Variants in BCAS3 observed in about 807,000 individuals in gnomAD.
BCAS3 encodes the protein BCAS3 microtubule associated cell migration factor, also known as BCAS4/BCAS3 fusion.
Under a neutral mutation model 116.1 loss-of-function variants are expected in BCAS3, and 53 were observed. That is an observed-to-expected ratio of 0.46 (90% CI 0.37 to 0.57). The LOEUF (loss-of-function observed/expected upper bound fraction) is 0.57, where lower values mean the gene tolerates loss of function less well. BCAS3 is among the 20% of genes least tolerant of loss of function. The pLI, the probability that BCAS3 is intolerant of heterozygous loss-of-function variation, is 0.00. For missense variants in BCAS3, 917 were observed against 1,165.4 expected, an observed-to-expected ratio of 0.79 and a Z score of 3.10; for synonymous variants, 391 against 408.2, an observed-to-expected ratio of 0.96 and a Z score of 0.51.
rs528682606 is a variant in BCAS3 at position 61,012,735 on chromosome 17, A to G, written c.1487-3016A>G. Among the ~76,000 whole-genome samples, 14 of 152,164 alleles carry G rather than the reference A, an allele frequency of 9.2e-5. No homozygotes were observed. Among genetic ancestry groups the G allele is most frequent in the Non-Finnish European group, 1.9e-4 (13 of 67,944 alleles). On this transcript the variant is annotated intron_variant, in intron 15 of 23. Coordinates refer to ENST00000407086, the MANE Select transcript of BCAS3 (RefSeq NM_017679.5). The surrounding 1 kb of genome is among the most constrained non-coding windows in gnomAD (Gnocchi z 4.5). Reference sequence around the variant, plus strand: ...GAAGGATAGATCTGAAGTTCTTTGTATGCTATTCTGAGGTTGTCCTTTATC... The same window carrying G: ...GAAGGATAGATCTGAAGTTCTTTGTGTGCTATTCTGAGGTTGTCCTTTATC...
intron 19 of BCAS3, among the ~76,000 whole-genome samples, chr17:61,043,989 C>T (rs1318578088): frequency 1.3e-5 from 2 of 151,958 alleles, no homozygotes; most frequent in Admixed American, 1.3e-4. Flanking sequence ...CTTCAAGCTC[C>T]ACTACTCAGT....
In BCAS3 at chr17:61,363,806, G is replaced by A. The variant is rs975253047; in HGVS notation, c.2426-4521G>A. On this transcript the variant is annotated intron_variant, in intron 22 of 23. Coordinates refer to ENST00000407086, the MANE Select transcript of BCAS3 (RefSeq NM_017679.5). This position sits in a 1 kb window ranked among gnomAD's most constrained non-coding sequence, Gnocchi z 4.9. Reference sequence around the variant, plus strand: ...AAACTGACCCTTTCCCCTGTAATGGGACTCAAAGGGCCAGCTCATCTGATG... The same window carrying A: ...AAACTGACCCTTTCCCCTGTAATGGAACTCAAAGGGCCAGCTCATCTGATG... Among the ~76,000 whole-genome samples, 3 of 152,128 alleles carry A rather than the reference G, an allele frequency of 2.0e-5. No individual in the cohort carries two copies. Among genetic ancestry groups the A allele is most frequent in the African/African-American group, 7.2e-5 (3 of 41,434 alleles).
intron 7 of BCAS3, chr17:60,810,159 G>C (rs1568300182): frequency 7.4e-6 from 3 of 406,516 alleles, no homozygotes; most frequent in Non-Finnish European, 1.5e-5. Context: ...CTCCCCACTG[G>C]ACAGCATGAG....
Position 61,078,545 on chromosome 17 carries a change from T to G in BCAS3, c.2327+16T>G, listed in dbSNP as rs756607642. ...ACAGTCTCAGGTAGGAAATGAGAATTAGGGAGTGATTTGAACAAAAGGATT... is the reference window on the plus strand; with the variant it reads ...ACAGTCTCAGGTAGGAAATGAGAATGAGGGAGTGATTTGAACAAAAGGATT... On this transcript the variant is annotated intron_variant, in intron 21 of 23. Coordinates refer to ENST00000407086, the MANE Select transcript of BCAS3 (RefSeq NM_017679.5). 2 of 1,593,324 alleles carry G rather than the reference T, an allele frequency of 1.3e-6. No homozygotes were observed. Among genetic ancestry groups the G allele is most frequent in the East Asian group, 2.2e-5 (1 of 44,804 alleles).
chr17:60,796,644 A>C (rs1354022971), intron 6 of BCAS3, among the ~76,000 whole-genome samples: 1 of 151,996 alleles, frequency 6.6e-6, no homozygotes, highest in Non-Finnish European at 1.5e-5. Flanking sequence ...TGATCTATCA[A>C]TTTTATTTAT....
intron 6 of BCAS3, among the ~76,000 whole-genome samples, chr17:60,781,086 A>G (rs569131065): frequency 2.0e-5 from 3 of 151,820 alleles, no homozygotes; most frequent in African/African-American, 7.2e-5. Context: ...CTTGTGCCCC[A>G]GCCTCTGGAG....
At chr17:60,944,166 A>G (rs1046877718) in intron 13 of BCAS3, among the ~76,000 whole-genome samples, 21 of 152,022 alleles carry the variant, frequency 1.4e-4, no homozygotes, top group African/African-American at 5.1e-4. Context: ...AAAAGAGAAA[A>G]ACAGAAAGTT....
At chr17:61,183,775 T>C (rs1250628843) in intron 22 of BCAS3, among the ~76,000 whole-genome samples, 1 of 152,228 alleles carries the variant, frequency 6.6e-6, no homozygotes, top group African/African-American at 2.4e-5. Flanking sequence ...GTGGCTAAAT[T>C]TGTGAATTTA....
At position 61,243,927 on chromosome 17, in the gene BCAS3, C is replaced by T. The variant is rs961757151; in HGVS notation, c.2426-124400C>T. 1.3e-5 allele frequency among the ~76,000 whole-genome samples: 2 copies of T among 152,026 alleles called. No individual in the cohort carries two copies. Among genetic ancestry groups the T allele is most frequent in the African/African-American group, 4.8e-5 (2 of 41,410 alleles). ...GGGCCTCCCAAGTAGCTGGGAATAT[C>T]AGTGTGCACTACCACAACCTGCTAA... On this transcript the variant is annotated intron_variant, in intron 22 of 23. Transcript: ENST00000407086. The surrounding 1 kb of genome is among the most constrained non-coding windows in gnomAD (Gnocchi z 5.6).
intron 14 of BCAS3, among the ~76,000 whole-genome samples, chr17:60,971,875 C>T (rs1476256507): frequency 6.6e-6 from 1 of 152,208 alleles, no homozygotes; most frequent in Non-Finnish European, 1.5e-5. Flanking sequence ...CTCCATGGGT[C>T]AGTTGTTCAA....
At chr17:61,296,047 G>A (rs2052875592) in intron 22 of BCAS3, among the ~76,000 whole-genome samples, 1 of 152,042 alleles carries the variant, frequency 6.6e-6, no homozygotes. Context: ...GCCCAAAAGG[G>A]ATATGAAAAG....
chr17:60,866,285 C>A (rs1440451031), intron 7 of BCAS3, among the ~76,000 whole-genome samples: 1 of 152,014 alleles, frequency 6.6e-6, no homozygotes, highest in Non-Finnish European at 1.5e-5. Flanking sequence ...TGCACCACCA[C>A]CCCTGGCTAA....
rs941681932 is a variant in BCAS3, at chr17:61,355,811, A to G, written c.2426-12516A>G. ...GACTGTCCTAGAAAACCCAGTTTGT[A>G]TGCTTGCTGTCTTGAGAGATTCAGT... is the stretch of plus-strand genomic sequence containing the variant. On this transcript the variant is annotated intron_variant, in intron 22 of 23. Coordinates refer to ENST00000407086, the MANE Select transcript of BCAS3 (RefSeq NM_017679.5). The surrounding 1 kb of genome is among the most constrained non-coding windows in gnomAD (Gnocchi z 4.2). Among the ~76,000 whole-genome samples the G allele has an allele frequency of 8.5e-5, 13 of 152,332 alleles. No homozygotes were observed. The highest frequency in any genetic ancestry group is 6.2e-4 in the South Asian group (3 of 4,828).
chr17:61,193,240 T>A (rs2080256140), intron 22 of BCAS3, among the ~76,000 whole-genome samples: 1 of 151,062 alleles, frequency 6.6e-6, no homozygotes, highest in Non-Finnish European at 1.5e-5. Flanking sequence ...CCAGCCTGGG[T>A]GACAGAGGGA....
At chr17:61,046,392 A>G (rs556870385) in intron 19 of BCAS3, among the ~76,000 whole-genome samples, 1 of 151,548 alleles carries the variant, frequency 6.6e-6, no homozygotes, top group South Asian at 2.1e-4. Flanking sequence ...ATTTTCAAAT[A>G]TAGTCATTCC....
chr17:60,812,052 CAA>C (rs375054739), intron 7 of BCAS3, among the ~76,000 whole-genome samples: 21 of 118,746 alleles, frequency 1.8e-4, no homozygotes, highest in Admixed American at 2.6e-4. Context: ...GACCCAGTCT[CAA>C]AAAAAAAAAA....
In BCAS3 at chr17:60,960,260, A is replaced by T. The variant is rs190463859; in HGVS notation, c.1221+12908A>T. Among the ~76,000 whole-genome samples the T allele has an allele frequency of 1.3e-5, 2 of 152,078 alleles. No individual in the cohort carries two copies. The highest frequency in any genetic ancestry group is 2.4e-5 in the African/African-American group (1 of 41,426). On this transcript the variant is annotated intron_variant, in intron 14 of 23. Transcript: ENST00000407086. This position sits in a 1 kb window ranked among gnomAD's most constrained non-coding sequence, Gnocchi z 4.1. The stretch of plus-strand genomic sequence containing the variant: ...ATTACAGCATCAACTCTAAGTCTAA[A>T]TTTTTTTTAAAAATATTATCGGCTC...
chr17:61,292,014 A>T (rs1278585030), intron 22 of BCAS3, among the ~76,000 whole-genome samples: 1 of 152,208 alleles, frequency 6.6e-6, no homozygotes, highest in Non-Finnish European at 1.5e-5. Flanking sequence ...GAACAACTCT[A>T]TAAAAGGAAC....
At chr17:61,086,821 A>G (rs2073130257) in intron 22 of BCAS3, 1 of 985,292 alleles carries the variant, frequency 1.0e-6, no homozygotes, top group Non-Finnish European at 1.2e-6. Flanking sequence ...TTGGACTTTT[A>G]TGAGTAATTC....
Sources: allele counts gnomAD v4.1 joint callset (sites outside exome capture counted in the v4.1 genomes callset), GRCh38; gene constraint gnomAD v4.1.1; non-coding constraint Gnocchi (gnomAD v3.1); transcripts MANE v1.5; gene names NCBI Gene and HGNC (gene_info 2026-07-23, HGNC 2026-07-21).